The following MICU1 variants were observed in gnomAD, a reference collection of about 807,000 sequenced individuals.
MICU1 encodes mitochondrial calcium uptake 1, also known as calcium uptake protein 1, mitochondrial.
Under a neutral mutation model 56.8 loss-of-function variants are expected in MICU1, and 45 were observed. The observed-to-expected ratio is 0.79, with a 90% CI of 0.62 to 1.02. The LOEUF (loss-of-function observed/expected upper bound fraction) is 1.02, where lower values mean the gene tolerates loss of function less well. Among genes scored for constraint, MICU1 ranks in the 50% least tolerant of loss-of-function variants. The pLI is 0.00. For missense variants in MICU1, 504 were observed against 587.1 expected (o/e 0.86, Z 1.46); for synonymous variants, 186 against 195.1 (o/e 0.95, Z 0.39).
intron 6 of MICU1, among the ~76,000 whole-genome samples, chr10:72,487,126 G>A (rs1330159415): frequency 2.0e-5 from 3 of 152,140 alleles, no homozygotes; most frequent in Non-Finnish European, 4.4e-5. Context: ...TTTAGGAAGG[G>A]ATGAGACGAT....
chr10:72,564,559 A>AAAAAAG (rs1840379677), intron 2 of MICU1, among the ~76,000 whole-genome samples: 2 of 150,258 alleles, frequency 1.3e-5, no homozygotes, highest in South Asian at 2.1e-4. Context: ...AAAAAAAAAA[A>AAAAAAG]AAAAGAAAAG....
chr10:72,489,290 T>TCACACACACACACACACA (rs67070756), intron 6 of MICU1, among the ~76,000 whole-genome samples: 1 of 141,558 alleles, frequency 7.1e-6, no homozygotes, highest in African/African-American at 2.6e-5. Flanking sequence ...CGAGACTCTG[T>TCACACACACACACACACA]CACACACACA....
rs1340083663 is a variant in MICU1, at chr10:72,622,587, T to TA, written c.-2+3422dup. Among the ~76,000 whole-genome samples the TA allele has an allele frequency of 2.6e-5, 4 of 152,178 alleles. 1 individual carries two copies. The highest frequency in any genetic ancestry group is 9.7e-5 in the African/African-American group (4 of 41,430). Reference sequence around the variant, plus strand: ...CTTGGGTTTCTGAGGTTGAAGGAAGTAAGCCTAGTGCTGGTATTACAATCT... The same window carrying TA: ...CTTGGGTTTCTGAGGTTGAAGGAAGTAAAGCCTAGTGCTGGTATTACAATCT... On this transcript the variant is annotated intron_variant, in intron 1 of 11. Coordinates refer to ENST00000361114, the MANE Select transcript of MICU1 (RefSeq NM_001195518.2).
intron 9 of MICU1, among the ~76,000 whole-genome samples, chr10:72,418,963 C>T (rs1864071288): frequency 6.6e-6 from 1 of 152,174 alleles, no homozygotes; most frequent in Admixed American, 6.6e-5. Context: ...AGTAATTTAA[C>T]ACCGCAGATT....
intron 3 of MICU1, among the ~76,000 whole-genome samples, chr10:72,552,279 T>C (rs555720374): frequency 1.3e-5 from 2 of 152,192 alleles, no homozygotes; most frequent in East Asian, 1.9e-4. Flanking sequence ...AAAGGCTGTC[T>C]AGTTAATATG....
At chr10:72,379,458 A>G (rs1862631491) in intron 10 of MICU1, 1 of 301,516 alleles carries the variant, frequency 3.3e-6, no homozygotes, top group Admixed American at 4.3e-5. Flanking sequence ...TGCATTTCAC[A>G]TCAACCTTAA....
chr10:72,545,700 T>G (rs911050568), intron 4 of MICU1, among the ~76,000 whole-genome samples: 19 of 152,178 alleles, frequency 1.2e-4, no homozygotes, highest in African/African-American at 4.6e-4. Flanking sequence ...CTAAAAGGTG[T>G]TAGACTCTCA....
chr10:72,617,624 G>A (rs188205751), intron 1 of MICU1, among the ~76,000 whole-genome samples: 1 of 152,252 alleles, frequency 6.6e-6, no homozygotes, highest in East Asian at 1.9e-4. Flanking sequence ...TTAAGGCCAG[G>A]AGTTTGAAAC....
intron 8 of MICU1, 68 bp downstream of exon 8, chr10:72,475,032 T>C: frequency 7.3e-7 from 1 of 1,370,802 alleles, no homozygotes. Flanking sequence ...AAAGAATGCC[T>C]ATAGTACAGG....
intron 10 of MICU1, chr10:72,392,115 G>T (rs1389644780): frequency 2.0e-5 from 3 of 152,192 alleles, no homozygotes; most frequent in Non-Finnish European, 4.4e-5. Flanking sequence ...AAAGATATGT[G>T]TAGGTTATAT....
intron 8 of MICU1, among the ~76,000 whole-genome samples, chr10:72,434,250 T>C (rs1296645182): frequency 1.3e-5 from 2 of 152,158 alleles, no homozygotes; most frequent in Non-Finnish European, 2.9e-5. Context: ...TAGCACTTAT[T>C]ATGTACCAGA....
intron 11 of MICU1, among the ~76,000 whole-genome samples, chr10:72,369,643 C>T (rs993989784): frequency 8.6e-5 from 13 of 151,788 alleles, no homozygotes; most frequent in Non-Finnish European, 1.5e-4. Flanking sequence ...TTTCCTAATC[C>T]ACCCTCTTCA....
chr10:72,488,502 G>T (rs1866547223), intron 6 of MICU1, among the ~76,000 whole-genome samples: 1 of 152,044 alleles, frequency 6.6e-6, no homozygotes, highest in Non-Finnish European at 1.5e-5. Context: ...AGTTAGAAAA[G>T]AGAAAAATAT....
chr10:72,465,248 C>T (rs7923595), intron 8 of MICU1, among the ~76,000 whole-genome samples: 98,093 of 151,268 alleles, frequency 0.65, 32,962 homozygotes, highest in African/African-American at 0.77. Flanking sequence ...TCCTCCTGCC[C>T]TGGCCTCCAA....
chr10:72,528,935 C>A (rs1839398431), intron 5 of MICU1, among the ~76,000 whole-genome samples: 1 of 152,138 alleles, frequency 6.6e-6, no homozygotes, highest in Non-Finnish European at 1.5e-5. Flanking sequence ...AAAGAACTTT[C>A]ACCTAGTAAA....
At chr10:72,403,070 T>C (rs1034503520) in intron 10 of MICU1, among the ~76,000 whole-genome samples, 1 of 151,996 alleles carries the variant, frequency 6.6e-6, no homozygotes, top group Non-Finnish European at 1.5e-5. Flanking sequence ...TTATGGTAAG[T>C]GATACTACAT....
chr10:72,477,328 A>G, intron 6 of MICU1, 72 bp from the exon 7 acceptor site: 1 of 1,274,636 alleles, frequency 7.8e-7, no homozygotes, highest in Non-Finnish European at 1.1e-6. Flanking sequence ...GAAAAACAAA[A>G]GGCTAAACAC....
At chr10:72,399,665 A>C (rs1863386421) in intron 10 of MICU1, among the ~76,000 whole-genome samples, 1 of 151,416 alleles carries the variant, frequency 6.6e-6, no homozygotes, top group Admixed American at 6.6e-5. Flanking sequence ...AAAATAAAAA[A>C]TAAGAATAAA....
At chr10:72,503,717 A>C (rs542966326) in intron 6 of MICU1, among the ~76,000 whole-genome samples, 1 of 152,270 alleles carries the variant, frequency 6.6e-6, no homozygotes, top group South Asian at 2.1e-4. Context: ...AAAACCCAAA[A>C]TACTCTGCCA....
Sources: gnomAD v4.1 joint callset for allele counts (sites outside exome capture counted in the v4.1 genomes callset) on GRCh38, gnomAD v4.1.1 for gene constraint, MANE v1.5 for transcripts, NCBI Gene and HGNC (gene_info 2026-07-23, HGNC 2026-07-21) for gene names.